Variants in NPC1 observed in about 807,000 individuals in gnomAD.
NPC1 encodes NPC intracellular cholesterol transporter 1.
A neutral mutation model predicts 140.4 loss-of-function variants in NPC1; 85 were observed. The observed-to-expected ratio is 0.61, with a 90% confidence interval of 0.51 to 0.72. The LOEUF (loss-of-function observed/expected upper bound fraction) is 0.72, where lower values mean the gene tolerates loss of function less well. NPC1 is among the 30% of genes least tolerant of loss of function. The probability of loss-of-function intolerance (pLI) is 0.00; values close to 1 mark genes in which losing one functional copy is unlikely to be tolerated. For missense variants in NPC1, 1,504 were observed against 1,623.8 expected, an observed-to-expected ratio of 0.93 and a Z score of 1.27; for synonymous variants, 656 against 624.8, an observed-to-expected ratio of 1.05 and a Z score of -0.74.
At chr18:23,563,987 G>GGTTTTT (rs2059082942) in intron 4 of NPC1, among the ~76,000 whole-genome samples, 1 of 102,600 alleles carries the variant, frequency 9.7e-6, no homozygotes, top group Admixed American at 1.2e-4. Context: ...AGTAGTAAGA[G>GGTTTTT]TTTTTTTTTT....
chr18:23,518,746 C>T, downstream of NPC1: 3 of 652,276 alleles, frequency 4.6e-6, no homozygotes, highest in South Asian at 1.9e-5. Context: ...CTTTGAGTAA[C>T]TGCATGTTTC....
chr18:23,527,980 A>G (rs1273204735), downstream of NPC1: 5 of 1,174,558 alleles, frequency 4.3e-6, no homozygotes, highest in Non-Finnish European at 4.8e-6. Flanking sequence ...ATGATGCAAA[A>G]TTGTTTCCTA....
rs1259789811 is a variant in NPC1, at chr18:23,540,255, G to C, written c.2604+193C>G. On this transcript the variant is annotated intron_variant, in intron 17 of 24. Transcript: ENST00000269228. Reference sequence around the variant, plus strand: ...TATTCGTGTTCTGCAGCTGTGCCCAGAGGGGCTCAGTCAGAATGCCAGACA... The same window carrying C: ...TATTCGTGTTCTGCAGCTGTGCCCACAGGGGCTCAGTCAGAATGCCAGACA... Among the ~76,000 whole-genome samples the C allele has an allele frequency of 2.0e-5, 3 of 152,258 alleles. No individual in the cohort carries two copies. In the East Asian group the frequency reaches 5.8e-4, roughly 29 times the overall value.
chr18:23,582,080 C>A (rs2145588013), intron 1 of NPC1: 1 of 152,234 alleles, frequency 6.6e-6, no homozygotes, highest in East Asian at 1.9e-4. Context: ...CGATCTGTAA[C>A]TGACTTTGAT....
chr18:23,515,848 T>A (rs1237744654), intron 3 of NPC1: 1 of 1,614,108 alleles, frequency 6.2e-7, no homozygotes, highest in Non-Finnish European at 8.5e-7. Flanking sequence ...TCTTAAACTC[T>A]GCTTCAGGTA....
downstream of NPC1, chr18:23,528,309 A>T (rs529518209): frequency 1.8e-5 from 3 of 163,868 alleles, no homozygotes; most frequent in South Asian, 4.7e-4. Context: ...CCCTTTTGGG[A>T]AAGAATCCTG....
chr18:23,516,517 AC>A, intron 3 of NPC1: 1 of 1,265,736 alleles, frequency 7.9e-7, no homozygotes, highest in South Asian at 1.2e-5. Flanking sequence ...TGATGCCCTG[AC>A]CCCTAGAACA....
intron 1 of NPC1, among the ~76,000 whole-genome samples, chr18:23,585,567 T>A (rs2059407981): frequency 6.6e-6 from 1 of 152,158 alleles, no homozygotes; most frequent in Non-Finnish European, 1.5e-5. Flanking sequence ...ACTGCCCCAC[T>A]CCAGTTTTAA....
chr18:23,584,229 AATTCCAT>A (rs1367501929), intron 1 of NPC1, among the ~76,000 whole-genome samples: 2 of 152,204 alleles, frequency 1.3e-5, no homozygotes, highest in African/African-American at 4.8e-5. Flanking sequence ...ACTAGTCCAT[AATTCCAT>A]GATAGAACTC....
In NPC1 at chr18:23,544,604, T is replaced by C. The variant is rs2058758447; in HGVS notation, c.1948-78A>G. On this transcript the variant is annotated intron_variant, in intron 12 of 24. Coordinates refer to ENST00000269228, the MANE Select transcript of NPC1 (RefSeq NM_000271.5). ...ACTTGTTACTAAAAGGTCCTCCTTTTTACTTTACAGGGCTGTATTAAACCT... is the reference window on the plus strand; with the variant it reads ...ACTTGTTACTAAAAGGTCCTCCTTTCTACTTTACAGGGCTGTATTAAACCT... 6 of 1,311,870 alleles carry C rather than the reference T, an allele frequency of 4.6e-6. 1 individual carries two copies. In the South Asian group the frequency reaches 7.2e-5, roughly 16 times the overall value. 81.3% of individuals were successfully genotyped at this position (1,311,870 alleles called of 1,614,324 possible).
rs1173475459 is a variant in NPC1, at chr18:23,560,259, C to T, written c.853G>A (p.Gly285Arg). Residue 285 changes from glycine to arginine, a missense_variant, in exon 6 of 25, where the codon GGA becomes AGA. By Grantham distance (125) the Gly-to-Arg change is moderately radical. Transcript: ENST00000269228. ...TYMAFLLVFF[G>R]AFFAVWCYRK... Reference sequence around the variant, plus strand: ...TAGCACCACACTGCAAAAAATGCTCCAAAAAACACAAGCAAAAACGCCATG... The same window carrying T: ...TAGCACCACACTGCAAAAAATGCTCTAAAAAACACAAGCAAAAACGCCATG... 1 of 1,613,970 alleles carries T rather than the reference C, an allele frequency of 6.2e-7. No homozygotes were observed. Among genetic ancestry groups the T allele is most frequent in the Non-Finnish European group, 8.5e-7 (1 of 1,180,012 alleles).
chr18:23,571,980 A>T (rs1160934598), intron 3 of NPC1, 94 bp downstream of exon 3: 5 of 647,554 alleles, frequency 7.7e-6, no homozygotes, highest in Non-Finnish European at 1.1e-5. Context: ...TATAATAAAT[A>T]AAAATATGTA....
downstream of NPC1, chr18:23,528,354 A>T (rs2058369966): frequency 1.3e-5 from 2 of 156,916 alleles, no homozygotes; most frequent in South Asian, 1.9e-4. Flanking sequence ...AGCACTTAGC[A>T]GGCGTGTTTG....
Position 23,560,376 on chromosome 18 carries a change from C to T in NPC1, c.736G>A (p.Val246Ile), listed in dbSNP as rs753921719. 3.7e-6 allele frequency: 6 copies of T among 1,614,074 alleles called. No individual in the cohort carries two copies. The African/African-American group carries it at 8.0e-5, about 22-fold the overall frequency. The change falls in exon 6 of 25, where the codon GTC (valine) becomes ATC (isoleucine). Residue 246 changes from valine to isoleucine, a missense_variant. Physicochemically the swap from Val to Ile is conservative, Grantham distance 29. Coordinates refer to ENST00000269228, the MANE Select transcript of NPC1 (RefSeq NM_000271.5). ...GGGGGCTGGGGCTTGGGGCCACAGA[C>T]AATAGAGCAGTCTTGGCAGCTACAT... ...APCSCQDCSI[V>I]CGPKPQPPPP...
rs1305090535 is a variant in NPC1, at chr18:23,535,706, G to C, written c.3246-6C>G. The C allele has an allele frequency of 1.9e-6, 3 of 1,585,350 alleles. No homozygotes were observed. The highest frequency in any genetic ancestry group is 2.6e-6 in the Non-Finnish European group (3 of 1,154,076). On this transcript the variant is annotated splice_polypyrimidine_tract_variant and splice_region_variant and intron_variant, in intron 21 of 24. Transcript: ENST00000269228. ...CGTAGAAGACATAAAACACACTGGA[G>C]GGGAGAGGGGAGGCCTCATTAAAGC...
downstream of NPC1, among the ~76,000 whole-genome samples, chr18:23,525,056 C>T (rs1240722408): frequency 1.4e-5 from 2 of 145,412 alleles, no homozygotes; most frequent in Non-Finnish European, 3.0e-5. Flanking sequence ...AAGCGATTCT[C>T]CTGCCTCAGC....
At chr18:23,582,084 C>T (rs1345188409) in intron 1 of NPC1, 1 of 152,126 alleles carries the variant, frequency 6.6e-6, no homozygotes. Context: ...CTGTAACTGA[C>T]TTTGATCAAT....
downstream of NPC1, chr18:23,518,974 A>G: frequency 6.2e-7 from 1 of 1,614,166 alleles, no homozygotes. Flanking sequence ...TCTATCATCT[A>G]CCACGGTAGA....
At chr18:23,537,013 A>G in intron 20 of NPC1, 137 bp from the exon 21 acceptor site, 2 of 725,032 alleles carry the variant, frequency 2.8e-6, no homozygotes, top group South Asian at 3.0e-5. Flanking sequence ...AGGGATGAAG[A>G]AGGCCCCCAG....
Sources: gnomAD v4.1 joint callset for allele counts (sites outside exome capture counted in the v4.1 genomes callset) on GRCh38, gnomAD v4.1.1 for gene constraint, MANE v1.5 for transcripts, NCBI Gene and HGNC (gene_info 2026-07-23, HGNC 2026-07-21) for gene names.